The following ADAMTS16 variants were observed in gnomAD, a reference collection of about 807,000 sequenced individuals.
ADAMTS16 encodes the protein A disintegrin and metalloproteinase with thrombospondin motifs 16.
Under a neutral mutation model 145.8 loss-of-function variants are expected in ADAMTS16, and 94 were observed. The observed-to-expected ratio is 0.64, with a 90% confidence interval of 0.55 to 0.77. The LOEUF (loss-of-function observed/expected upper bound fraction) is 0.77. Among genes scored for constraint, ADAMTS16 ranks in the 30% least tolerant of loss-of-function variants. The pLI, the probability that ADAMTS16 is intolerant of heterozygous loss-of-function variation, is 0.00. For synonymous variants in ADAMTS16, 659 were observed against 604.3 expected (o/e 1.09, Z -1.33); for missense variants, 1,585 against 1,591.5 (o/e 1.00, Z 0.07).
chr5:5,290,343 C>A (rs966855574), intron 18 of ADAMTS16, among the ~76,000 whole-genome samples: 32 of 152,280 alleles, frequency 2.1e-4, no homozygotes, highest in African/African-American at 7.2e-4. Flanking sequence ...GGCCACTTCT[C>A]CCCTGGGAAT....
At chr5:5,314,304 C>G (rs911364632) in intron 21 of ADAMTS16, among the ~76,000 whole-genome samples, 1 of 152,156 alleles carries the variant, frequency 6.6e-6, no homozygotes, top group Non-Finnish European at 1.5e-5. Flanking sequence ...CCTGTGGCCT[C>G]CAGGAATTAG....
intron 7 of ADAMTS16, 81 bp downstream of exon 7, chr5:5,190,211 C>T: frequency 2.1e-6 from 3 of 1,425,828 alleles, no homozygotes; most frequent in East Asian, 2.5e-5. Context: ...TATTTTTGCC[C>T]TTGTTCCTTG....
intron 18 of ADAMTS16, among the ~76,000 whole-genome samples, chr5:5,274,663 T>C (rs534353148): frequency 6.6e-6 from 1 of 151,168 alleles, no homozygotes; most frequent in African/African-American, 2.4e-5. Context: ...TGTGTGCATG[T>C]GTGTATATGT....
chr5:5,262,807 A>G, intron 18 of ADAMTS16, 24 bp downstream of exon 18: 1 of 1,611,474 alleles, frequency 6.2e-7, no homozygotes, highest in South Asian at 1.1e-5. Flanking sequence ...CGTTCATCAA[A>G]GCAGGTTTCC....
Position 5,239,243 on chromosome 5 carries a change from G to T in ADAMTS16, c.2247G>T (p.Arg749Ser), listed in dbSNP as rs1176657439. 1 of 1,596,930 alleles carries T rather than the reference G, an allele frequency of 6.3e-7. No individual in the cohort carries two copies. The highest frequency in any genetic ancestry group is 8.5e-7 in the Non-Finnish European group (1 of 1,173,064). Residue 749 changes from arginine to serine, a missense_variant, in exon 15 of 23, where the codon AGG becomes AGT. This residue lies in a region of ADAMTS16 where 834 missense variants were observed against 811.7 expected (regional missense o/e 1.03). Coordinates refer to ENST00000274181, the MANE Select transcript of ADAMTS16 (RefSeq NM_139056.4). ...ATAACTCAGCCTGCACGATTCACAGGGGTCTCTACACCAAGCACCACCACA... is the reference window on the plus strand; with the variant it reads ...ATAACTCAGCCTGCACGATTCACAGTGGTCTCTACACCAAGCACCACCACA... Reference protein sequence around the residue: ...NGNNSACTIHRGLYTKHHHTN... With the variant: ...NGNNSACTIHSGLYTKHHHTN...
At chr5:5,263,228 G>T (rs1738098144) in intron 18 of ADAMTS16, among the ~76,000 whole-genome samples, 1 of 152,268 alleles carries the variant, frequency 6.6e-6, no homozygotes, top group South Asian at 2.1e-4. Context: ...GTGAGGACTG[G>T]AGCCACAGAA....
rs1440918805 is a variant in ADAMTS16 at position 5,152,737 on chromosome 5, A to C, written c.501+6282A>C. On this transcript the variant is annotated intron_variant, in intron 3 of 22. Coordinates refer to ENST00000274181, the MANE Select transcript of ADAMTS16 (RefSeq NM_139056.4). ...TTCACTGTTCTGTTCAAGGTTTATTAAAATGTTTTTCAGTAATTGTTTCTC... is the reference window on the plus strand; with the variant it reads ...TTCACTGTTCTGTTCAAGGTTTATTCAAATGTTTTTCAGTAATTGTTTCTC... 2.6e-5 allele frequency among the ~76,000 whole-genome samples: 4 copies of C among 152,222 alleles called. No individual in the cohort carries two copies. In the East Asian group the frequency reaches 5.8e-4, roughly 22 times the overall value.
intron 3 of ADAMTS16, among the ~76,000 whole-genome samples, chr5:5,168,630 T>TA (rs1464230746): frequency 2.3e-5 from 2 of 85,618 alleles, no homozygotes; most frequent in African/African-American, 8.1e-5. Context: ...TTATATTATA[T>TA]ATAATATATA....
intron 11 of ADAMTS16, among the ~76,000 whole-genome samples, chr5:5,231,907 G>A (rs1736936328): frequency 6.6e-6 from 1 of 152,276 alleles, no homozygotes; most frequent in East Asian, 1.9e-4. Flanking sequence ...GGAAAGCACA[G>A]ACTATGGGCC....
chr5:5,167,573 T>C lies in ADAMTS16; in HGVS notation c.502-14471T>C, dbSNP rs115860286. 5.3e-3 allele frequency among the ~76,000 whole-genome samples: 815 copies of C among 152,358 alleles called. 7 individuals are homozygous for C. The highest frequency in any genetic ancestry group is 0.019 in the African/African-American group (781 of 41,586). The stretch of plus-strand genomic sequence containing the variant: ...CTAGGTTGGCGTGTTCTAAATATTT[T>C]AGCTGGGACAGTTTTAGAAGGTCGC... On this transcript the variant is annotated intron_variant, in intron 3 of 22. Transcript: ENST00000274181.
chr5:5,244,665 T>C (rs572667210), intron 17 of ADAMTS16, among the ~76,000 whole-genome samples: 1 of 152,238 alleles, frequency 6.6e-6, no homozygotes, highest in Non-Finnish European at 1.5e-5. Context: ...AACTGCAACT[T>C]AGCACATTAC....
intron 3 of ADAMTS16, among the ~76,000 whole-genome samples, chr5:5,160,585 C>T (rs1734715175): frequency 6.6e-6 from 1 of 152,124 alleles, no homozygotes; most frequent in Admixed American, 6.6e-5. Flanking sequence ...TCTTGAAATA[C>T]CTGCAACTGC....
chr5:5,158,405 C>A (rs981691973), intron 3 of ADAMTS16, among the ~76,000 whole-genome samples: 5 of 152,078 alleles, frequency 3.3e-5, no homozygotes, highest in Non-Finnish European at 7.4e-5. Flanking sequence ...TCTATCTGTA[C>A]TGGAAAGAGT....
intron 9 of ADAMTS16, among the ~76,000 whole-genome samples, chr5:5,207,784 G>A (rs751222946): frequency 8.0e-5 from 12 of 150,638 alleles, no homozygotes; most frequent in Non-Finnish European, 1.3e-4. Context: ...TGATATGATC[G>A]TGTGGTTTTT....
chr5:5,296,526 G>A (rs899670405), intron 18 of ADAMTS16, among the ~76,000 whole-genome samples: 4 of 152,056 alleles, frequency 2.6e-5, no homozygotes, highest in East Asian at 3.9e-4. Flanking sequence ...GGCCAGTCTC[G>A]GGGATTTTCT....
intron 6 of ADAMTS16, 87 bp downstream of exon 6, chr5:5,187,895 A>G (rs992239665): frequency 7.7e-6 from 7 of 908,858 alleles, no homozygotes; most frequent in African/African-American, 5.1e-5. Flanking sequence ...TAATTGTTCT[A>G]TGGGTTCTTC....
intron 10 of ADAMTS16, among the ~76,000 whole-genome samples, chr5:5,210,467 A>G (rs1736245206): frequency 6.6e-6 from 1 of 152,174 alleles, no homozygotes; most frequent in African/African-American, 2.4e-5. Flanking sequence ...TAACAAATGT[A>G]TTCTCACATG....
At chr5:5,155,529 G>A (rs1734578687) in intron 3 of ADAMTS16, among the ~76,000 whole-genome samples, 1 of 152,146 alleles carries the variant, frequency 6.6e-6, no homozygotes, top group African/African-American at 2.4e-5. Context: ...ACTGCCCCTG[G>A]GGCTGAAGAA....
intron 18 of ADAMTS16, among the ~76,000 whole-genome samples, chr5:5,267,652 C>T (rs760307869): frequency 7.2e-5 from 11 of 152,108 alleles, no homozygotes; most frequent in South Asian, 2.1e-4. Context: ...ATGTTTCGCT[C>T]GACGTCCAGC....
Sources: gnomAD v4.1 joint callset for allele counts (sites outside exome capture counted in the v4.1 genomes callset) on GRCh38, gnomAD v4.1.1 for gene constraint, gnomAD v4.1.1 regional missense constraint, MANE v1.5 for transcripts, NCBI Gene and HGNC (gene_info 2026-07-23, HGNC 2026-07-21) for gene names.